The following MRLN variants were observed in gnomAD, a reference collection of about 807,000 sequenced individuals.
MRLN encodes myoregulin.
intron 1 of MRLN, among the ~76,000 whole-genome samples, chr10:59,742,795 C>G (rs147382211): frequency 1.4e-3 from 219 of 152,072 alleles, no homozygotes; most frequent in African/African-American, 5.1e-3. Flanking sequence ...GTGGTACAAT[C>G]CTATTCCATT....
chr10:59,746,465 C>T (rs1463963323), intron 1 of MRLN, among the ~76,000 whole-genome samples: 1 of 152,156 alleles, frequency 6.6e-6, no homozygotes. Context: ...GCTCTTTCAA[C>T]TATACTGATT....
chr10:59,748,867 C>T (rs1241763015), intron 1 of MRLN, among the ~76,000 whole-genome samples: 1 of 152,174 alleles, frequency 6.6e-6, no homozygotes, highest in Non-Finnish European at 1.5e-5. Flanking sequence ...CCAGAGAGTC[C>T]AGATCAAAGC....
In MRLN at chr10:59,737,643, C is replaced by A. The variant is rs537741560; in HGVS notation, c.-20-423G>T. Among the ~76,000 whole-genome samples the A allele has an allele frequency of 1.2e-4, 15 of 125,524 alleles. 1 individual carries two copies. The highest frequency in any genetic ancestry group is 5.0e-4 in the South Asian group (2 of 4,036). The allele number at this position is 125,524 out of a possible 152,430, so 82.3% of individuals were successfully genotyped here. A position where few individuals can be genotyped will look rare whatever the true frequency, so the allele number is the denominator to read the frequency against. On this transcript the variant is annotated intron_variant, in intron 2 of 2. Transcript: ENST00000414264. ...TTGAAGACATGAAAAAAGGCAGGTA[C>A]TGATCAAAAAAAAAAAAAAAAAAAG...
At chr10:59,746,257 T>C (rs1841043304) in intron 1 of MRLN, among the ~76,000 whole-genome samples, 1 of 152,186 alleles carries the variant, frequency 6.6e-6, no homozygotes, top group Non-Finnish European at 1.5e-5. Flanking sequence ...AGGCATATGT[T>C]GAAAAATGAG....
rs566310993 is a variant in MRLN, at chr10:59,739,864, C to T, written c.-124-1302G>A. Among the ~76,000 whole-genome samples, 107 of 152,196 alleles carry T rather than the reference C, an allele frequency of 7.0e-4. 2 individuals carry two copies. The highest frequency in any genetic ancestry group is 2.5e-3 in the African/African-American group (102 of 41,520). On this transcript the variant is annotated intron_variant, in intron 1 of 2. Transcript: ENST00000414264. ...ATCCCAGCACTTTGGGAGGCCAAGG[C>T]GGGTGGATCACAAGGTCGGGAGTTC...
intron 1 of MRLN, among the ~76,000 whole-genome samples, chr10:59,751,270 G>T (rs117544478): frequency 0.014 from 2,143 of 152,244 alleles, 31 homozygotes; most frequent in Admixed American, 0.023. Flanking sequence ...ACAGAGCTTG[G>T]AACAAAGTAA....
intron 1 of MRLN, among the ~76,000 whole-genome samples, chr10:59,742,883 C>G (rs903729856): frequency 1.3e-5 from 2 of 152,000 alleles, no homozygotes; most frequent in African/African-American, 4.8e-5. Flanking sequence ...CACATGCAAC[C>G]ACACCCAGGT....
At chr10:59,745,138 A>T (rs879945230) in intron 1 of MRLN, among the ~76,000 whole-genome samples, 127 of 152,292 alleles carry the variant, frequency 8.3e-4, no homozygotes, top group Middle Eastern at 6.8e-3. Flanking sequence ...TAAAATAAAA[A>T]AAAGAAAATG....
Position 59,737,133 on chromosome 10 carries a change from C to T in MRLN, c.68G>A (p.Gly23Glu). The T allele has an allele frequency of 2.5e-6, 1 of 398,136 alleles. No individual in the cohort carries two copies. The highest frequency in any genetic ancestry group is 1.3e-4 in the South Asian group (1 of 7,840). The allele number at this position is 398,136 out of a possible 1,614,324, so 24.7% of individuals were successfully genotyped here. A position where few individuals can be genotyped will look rare whatever the true frequency, so the allele number is the denominator to read the frequency against. ...TPKSLEDEIV[G>E]RLLKILFVIF... The stretch of plus-strand genomic sequence containing the variant: ...AACAAACAAAATTTTTAGAAGTCTT[C>T]CCACAATTTCATCTTCTAGACTTTT... Residue 23 changes from glycine (G) to glutamate (E), a missense_variant, in exon 3 of 3, where the codon GGA becomes GAA. Gly to Glu is a moderately conservative substitution (Grantham distance 98). Transcript: ENST00000414264.
At position 59,747,877 on chromosome 10, in the gene MRLN, G is replaced by C. The variant is rs2132593995; in HGVS notation, c.-125+5477C>G. On this transcript the variant is annotated intron_variant, in intron 1 of 2. Coordinates refer to ENST00000414264, the MANE Select transcript of MRLN (RefSeq NM_001304731.2). Reference sequence around the variant, plus strand: ...TCTGGGAAGAATGAAAGTTCACTTTGTCCAAATGACAATTACAACAAGAAA... The same window carrying C: ...TCTGGGAAGAATGAAAGTTCACTTTCTCCAAATGACAATTACAACAAGAAA... Among the ~76,000 whole-genome samples the C allele has an allele frequency of 2.6e-5, 4 of 152,272 alleles. 1 individual carries two copies. Among genetic ancestry groups the C allele is most frequent in the Admixed American group, 2.6e-4 (4 of 15,292 alleles).
At chr10:59,737,276 T>C in intron 2 of MRLN, 56 bp from the exon 3 acceptor site, 1 of 385,746 alleles carries the variant, frequency 2.6e-6, no homozygotes, top group Non-Finnish European at 4.6e-6. Flanking sequence ...ACTGATTCTT[T>C]CAACTCAATC....
At chr10:59,742,696 TTTCCTTCCTTCCCTTTCTTTTCCTTCC>T (rs1338690188) in intron 1 of MRLN, among the ~76,000 whole-genome samples, 1 of 151,718 alleles carries the variant, frequency 6.6e-6, no homozygotes, top group Non-Finnish European at 1.5e-5. Flanking sequence ...TTCCCTTTCT[TTTCCTTCCTTCCCTTTCTTTTCCTTCC>T]TTCCTTCCTT....
rs376558087 is a variant in MRLN at position 59,748,490 on chromosome 10, G to A, written c.-125+4864C>T. ...TGGGAATTAAATAATGCATATGGCTGTATGTTTAAATGATGGCAGGCATTA... is the reference window on the plus strand; with the variant it reads ...TGGGAATTAAATAATGCATATGGCTATATGTTTAAATGATGGCAGGCATTA... On this transcript the variant is annotated intron_variant, in intron 1 of 2. Transcript: ENST00000414264. Among the ~76,000 whole-genome samples, 10 of 152,274 alleles carry A rather than the reference G, an allele frequency of 6.6e-5. No individual in the cohort carries two copies. In the South Asian group the frequency reaches 1.9e-3, roughly 28 times the overall value.
rs2070188302 is a variant in MRLN, at chr10:59,753,385, T to C, written c.-156A>G. The stretch of plus-strand genomic sequence containing the variant: ...GGGGTTCAATAAGCGAAGTCCAAAG[T>C]CAAGGGAATGATCTCTCTCTTTTAT... On this transcript the variant is annotated 5_prime_UTR_variant, in exon 1 of 3. Coordinates refer to ENST00000414264, the MANE Select transcript of MRLN (RefSeq NM_001304731.2). 1 of 151,266 alleles carries C rather than the reference T, an allele frequency of 6.6e-6. No individual in the cohort carries two copies. Among genetic ancestry groups the C allele is most frequent in the Non-Finnish European group, 1.5e-5 (1 of 67,828 alleles). The allele number at this position is 151,266 out of a possible 1,614,324, so 9.4% of individuals were successfully genotyped here. A position where few individuals can be genotyped will look rare whatever the true frequency, so the allele number is the denominator to read the frequency against.
intron 1 of MRLN, among the ~76,000 whole-genome samples, chr10:59,751,339 C>T (rs1328731408): frequency 6.6e-6 from 1 of 151,946 alleles, no homozygotes; most frequent in Non-Finnish European, 1.5e-5. Context: ...AGGTGTTGCT[C>T]TTCTATTCTT....
chr10:59,737,362 C>A, intron 2 of MRLN, 142 bp from the exon 3 acceptor site: 1 of 360,326 alleles, frequency 2.8e-6, no homozygotes, highest in Non-Finnish European at 5.0e-6. Context: ...TGTAACCAAT[C>A]AATGAAATAA....
At chr10:59,743,291 A>C (rs1251707235) in intron 1 of MRLN, among the ~76,000 whole-genome samples, 1 of 151,756 alleles carries the variant, frequency 6.6e-6, no homozygotes, top group Non-Finnish European at 1.5e-5. Flanking sequence ...CAGAACACTA[A>C]GGAAAGTAGT....
chr10:59,737,332 G>A, intron 2 of MRLN, 112 bp from the exon 3 acceptor site: 3 of 371,854 alleles, frequency 8.1e-6, no homozygotes, highest in Middle Eastern at 6.9e-4. Context: ...AAGTCTTCCA[G>A]GGAATATTCC....
At chr10:59,747,661 G>T (rs572115367) in intron 1 of MRLN, among the ~76,000 whole-genome samples, 1 of 152,068 alleles carries the variant, frequency 6.6e-6, no homozygotes, top group East Asian at 1.9e-4. Context: ...ATGTATTTCC[G>T]ACTTGTCCGT....
Sources: gnomAD v4.1 joint callset for allele counts (sites outside exome capture counted in the v4.1 genomes callset) on GRCh38, gnomAD v4.1.1 for gene constraint, MANE v1.5 for transcripts, NCBI Gene and HGNC (gene_info 2026-07-23, HGNC 2026-07-21) for gene names.